ITPA: variants seen among roughly 807,000 people sequenced by gnomAD.
ITPA encodes inosine triphosphatase.
ITPA carries 29 observed loss-of-function variants against 29.6 expected under a neutral mutation model. The ratio of observed to expected loss-of-function variants is 0.98; its 90% CI spans 0.73 to 1.34. The LOEUF is 1.34. Among genes scored for constraint, ITPA ranks in the 40% most tolerant of loss-of-function variants. The probability of loss-of-function intolerance (pLI) is 0.00; values close to 1 mark genes in which losing one functional copy is unlikely to be tolerated. For synonymous variants in ITPA, 103 were observed against 99.3 expected, an observed-to-expected ratio of 1.04 and a Z score of -0.22; for missense variants, 241 against 251.5, an observed-to-expected ratio of 0.96 and a Z score of 0.28.
chr20:3,217,969 G>C (rs559787267), intron 5 of ITPA, among the ~76,000 whole-genome samples: 2 of 150,686 alleles, frequency 1.3e-5, no homozygotes, highest in African/African-American at 2.5e-5. Flanking sequence ...CCAGGCTGGA[G>C]TGCAGTGGCC....
chr20:3,206,090 G>C (rs1245845429), upstream of ITPA, among the ~76,000 whole-genome samples: 1 of 148,656 alleles, frequency 6.7e-6, no homozygotes, highest in African/African-American at 2.5e-5. Flanking sequence ...GAAAGAAAAA[G>C]AAAAAGAAAA....
intron 6 of ITPA, among the ~76,000 whole-genome samples, chr20:3,221,511 C>G (rs1238827664): frequency 6.7e-6 from 1 of 149,424 alleles, no homozygotes; most frequent in Non-Finnish European, 1.5e-5. Context: ...GTCTATCTTT[C>G]TTTCTGTCTA....
At chr20:3,204,584 A>T (rs1254610393), upstream of ITPA, 1 of 1,580,376 alleles carries the variant, frequency 6.3e-7, no homozygotes, top group Non-Finnish European at 8.6e-7. Context: ...GATAAAGCCG[A>T]CTAGCAGAGC....
intron 4 of ITPA, among the ~76,000 whole-genome samples, chr20:3,214,601 C>T (rs1327890521): frequency 1.3e-5 from 2 of 151,192 alleles, no homozygotes; most frequent in African/African-American, 4.9e-5. Flanking sequence ...TATTTTGAGA[C>T]AAGAGTCTCG....
At chr20:3,216,457 CTT>C (rs550453496) in intron 5 of ITPA, among the ~76,000 whole-genome samples, 47 of 125,338 alleles carry the variant, frequency 3.7e-4, no homozygotes, top group Admixed American at 7.5e-4. Context: ...CATGCCTGGC[CTT>C]TTTTTTTTTT....
Position 3,209,523 on chromosome 20 carries a change from G to A in ITPA, c.-29G>A. The A allele has an allele frequency of 1.2e-6, 2 of 1,610,434 alleles. No homozygotes were observed. Among genetic ancestry groups the A allele is most frequent in the South Asian group, 2.2e-5 (2 of 90,954 alleles). On this transcript the variant is annotated 5_prime_UTR_variant, in exon 1 of 8. It adds an upstream start codon to the 5' untranslated region. Coordinates refer to ENST00000380113, the MANE Select transcript of ITPA (RefSeq NM_033453.4). This position sits in a 1 kb window ranked among gnomAD's most constrained non-coding sequence, Gnocchi z 4.6. ...GTCACTGGACGCCAAGGAGTTTTCG[G>A]TGGCTCAGCTGGGTAACCGGGGATC... is the stretch of plus-strand genomic sequence containing the variant.
Position 3,209,682 on chromosome 20 carries a change from G to A in ITPA, c.66+65G>A. The A allele has an allele frequency of 1.5e-6, 2 of 1,363,790 alleles. No homozygotes were observed. Among genetic ancestry groups the A allele is most frequent in the East Asian group, 2.3e-5 (1 of 43,514 alleles). The allele number at this position is 1,363,790 out of a possible 1,614,324, so 84.5% of individuals were successfully genotyped here. On this transcript the variant is annotated intron_variant, in intron 1 of 7. Coordinates refer to ENST00000380113, the MANE Select transcript of ITPA (RefSeq NM_033453.4). This position sits in a 1 kb window ranked among gnomAD's most constrained non-coding sequence, Gnocchi z 4.6. ...GGAATAGGGCGGAGAAGGGGCTTCC[G>A]GGAGGAGGGAAGCACGTGGGAGGAG...
chr20:3,227,117 G>A (rs900502955), downstream of ITPA, among the ~76,000 whole-genome samples: 3 of 152,154 alleles, frequency 2.0e-5, no homozygotes, highest in Admixed American at 1.3e-4. Flanking sequence ...GGTCCCTCCC[G>A]CCCCACTGCT....
chr20:3,209,289 C>A (rs2067116181), upstream of ITPA: 5 of 549,842 alleles, frequency 9.1e-6, no homozygotes. This position sits in a 1 kb window ranked among gnomAD's most constrained non-coding sequence, Gnocchi z 4.6. Flanking sequence ...TGGTCTCTTC[C>A]GGTTCTTGAA....
chr20:3,209,310 C>T, upstream of ITPA: 1 of 589,220 alleles, frequency 1.7e-6, no homozygotes, highest in Non-Finnish European at 3.1e-6. The surrounding 1 kb of genome is among the most constrained non-coding windows in gnomAD (Gnocchi z 4.6). Flanking sequence ...GATAGCGTCC[C>T]TTAGGCAGGA....
At chr20:3,223,971 G>A (rs115104666), downstream of ITPA, 1,578 of 179,798 alleles carry the variant, frequency 8.8e-3, 26 homozygotes, top group African/African-American at 0.035. Context: ...GCATTCGGAT[G>A]CCACTGTGAG....
At chr20:3,206,007 G>T (rs1466945593), upstream of ITPA, among the ~76,000 whole-genome samples, 1 of 142,712 alleles carries the variant, frequency 7.0e-6, no homozygotes, top group Non-Finnish European at 1.5e-5. Flanking sequence ...AGTGAGCCAA[G>T]ATTGCACCAC....
At chr20:3,212,152 C>G (rs1568508961) in intron 1 of ITPA, among the ~76,000 whole-genome samples, 2 of 151,372 alleles carry the variant, frequency 1.3e-5, no homozygotes, top group East Asian at 3.9e-4. Flanking sequence ...GCCTGGGTGA[C>G]AGAGAGAGAG....
At chr20:3,226,936 C>A (rs189994006), downstream of ITPA, among the ~76,000 whole-genome samples, 1 of 152,322 alleles carries the variant, frequency 6.6e-6, no homozygotes, top group South Asian at 2.1e-4. The surrounding 1 kb of genome is among the most constrained non-coding windows in gnomAD (Gnocchi z 4.4). Flanking sequence ...CGTGTCCTGC[C>A]GTCGGCAGTC....
chr20:3,222,012 A>G, intron 7 of ITPA, 95 bp downstream of exon 7: 7 of 1,214,000 alleles, frequency 5.8e-6, no homozygotes, highest in Non-Finnish European at 8.4e-6. Context: ...GCATGCGGAT[A>G]TGGGCAGGGG....
Position 3,218,587 on chromosome 20 carries a change from C to A in ITPA, c.366C>A (p.Thr122=). The change falls in exon 6 of 8, where the codon ACC becomes ACA. Residue 122 remains threonine (T), a synonymous_variant. Transcript: ENST00000380113. ...CGCTCTGCACGTTTGCACTCAGCAC[C>A]GGGGACCCAAGCCAGCCCGTGCGCC... ...AYALCTFALS[T]GDPSQPVRLF... is the part of the protein sequence containing the mutation. 6.2e-7 allele frequency: 1 copy of A among 1,613,868 alleles called. No individual in the cohort carries two copies. Among genetic ancestry groups the A allele is most frequent in the Non-Finnish European group, 8.5e-7 (1 of 1,180,006 alleles).
At chr20:3,222,333 CT>C (rs2067486669) in intron 7 of ITPA, among the ~76,000 whole-genome samples, 1 of 151,958 alleles carries the variant, frequency 6.6e-6, no homozygotes. Context: ...AGCAATTCTC[CT>C]GTCTCAGCTG....
intron 6 of ITPA, chr20:3,219,030 T>G (rs2067388954): frequency 4.7e-6 from 1 of 214,692 alleles, no homozygotes; most frequent in Non-Finnish European, 9.6e-6. Flanking sequence ...TCTGTTTATT[T>G]TATTTATTTA....
At chr20:3,206,068 A>AAAAG (rs572085904), upstream of ITPA, among the ~76,000 whole-genome samples, 23 of 147,302 alleles carry the variant, frequency 1.6e-4, no homozygotes, top group African/African-American at 3.3e-4. Flanking sequence ...AAAAAAAAAA[A>AAAAG]AAAGAAAGAA....
Sources: gnomAD v4.1 joint callset for allele counts (sites outside exome capture counted in the v4.1 genomes callset) on GRCh38, gnomAD v4.1.1 for gene constraint, Gnocchi (gnomAD v3.1) non-coding constraint, MANE v1.5 for transcripts, NCBI Gene and HGNC (gene_info 2026-07-23, HGNC 2026-07-21) for gene names.